Variants in PTPRU observed in about 807,000 individuals in gnomAD.
The protein encoded by PTPRU is receptor-type tyrosine-protein phosphatase U.
Under a neutral mutation model 166.3 loss-of-function variants are expected in PTPRU, and 69 were observed. The ratio of observed to expected loss-of-function variants is 0.41; its 90% confidence interval spans 0.34 to 0.51. PTPRU has a LOEUF of 0.51. PTPRU is among the 20% of genes least tolerant of loss of function. The pLI, the probability that PTPRU is intolerant of heterozygous loss-of-function variation, is 0.09. For missense variants in PTPRU, 1,657 were observed against 2,013.7 expected (o/e 0.82, Z 3.39); for synonymous variants, 793 against 814.0 (o/e 0.97, Z 0.44).
At position 29,271,183 on chromosome 1, in the gene PTPRU, C is replaced by T. The variant is rs12565407; in HGVS notation, c.1145-4265C>T. 1.4e-3 allele frequency among the ~76,000 whole-genome samples: 214 copies of T among 152,306 alleles called. 3 individuals carry two copies. In the East Asian group the frequency reaches 0.037, roughly 26 times the overall value. ...TAATGTGCATTTTGACCTCTGATCT[C>T]GGAGTGACCTGTAGCCCTGTGTAAT... On this transcript the variant is annotated intron_variant, in intron 7 of 29. Transcript: ENST00000373779. The surrounding 1 kb of genome is among the most constrained non-coding windows in gnomAD (Gnocchi z 4.4).
chr1:29,290,807 T>G (rs894205916), intron 14 of PTPRU, among the ~76,000 whole-genome samples: 1 of 152,394 alleles, frequency 6.6e-6, no homozygotes, highest in East Asian at 1.9e-4. Context: ...TAATCTCACA[T>G]TGAGCTCAGC....
intron 2 of PTPRU, among the ~76,000 whole-genome samples, chr1:29,256,311 T>C (rs979363197): frequency 1.3e-5 from 2 of 152,132 alleles, no homozygotes; most frequent in Non-Finnish European, 2.9e-5. Flanking sequence ...AAAGGCCAAA[T>C]TGTCAACTTT....
rs762203983 is a variant in PTPRU, at chr1:29,311,770, C to T, written c.3072+11C>T. Reference sequence around the variant, plus strand: ...TTTGCCCTGGAGCGGGTGAGTCTCCCCACCGCCTGTTCCCTGCAGAGGGTG... The same window carrying T: ...TTTGCCCTGGAGCGGGTGAGTCTCCTCACCGCCTGTTCCCTGCAGAGGGTG... On this transcript the variant is annotated intron_variant, in intron 21 of 29. Transcript: ENST00000373779. The surrounding 1 kb of genome is among the most constrained non-coding windows in gnomAD (Gnocchi z 4.1). 8.7e-6 allele frequency: 14 copies of T among 1,608,852 alleles called. No homozygotes were observed. Among genetic ancestry groups the T allele is most frequent in the South Asian group, 7.7e-5 (7 of 90,638 alleles).
chr1:29,276,609 C>T (rs886572633), intron 8 of PTPRU, among the ~76,000 whole-genome samples: 8 of 152,192 alleles, frequency 5.3e-5, no homozygotes, highest in African/African-American at 1.4e-4. Flanking sequence ...TGAGCCACTT[C>T]ATTTGCCAAT....
rs114945445 is a variant in PTPRU, at chr1:29,293,901, C to T, written c.2476+1875C>T. ...ACTCCACATCATATTTAAATTTACC[C>T]ATGTGGATGTTTTGCTGCAGTTCAT... is the stretch of plus-strand genomic sequence containing the variant. On this transcript the variant is annotated intron_variant, in intron 15 of 29. Transcript: ENST00000373779. Among the ~76,000 whole-genome samples, 1,142 of 152,314 alleles carry T rather than the reference C, an allele frequency of 7.5e-3. 11 individuals carry two copies. The highest frequency in any genetic ancestry group is 0.023 in the African/African-American group (947 of 41,560).
rs1440930100 is a variant in PTPRU at position 29,282,723 on chromosome 1, G to A, written c.1916G>A (p.Arg639Gln). 6 of 1,613,570 alleles carry A rather than the reference G, an allele frequency of 3.7e-6. No homozygotes were observed. The highest frequency in any genetic ancestry group is 3.3e-5 in the Admixed American group (2 of 59,992). Residue 639 changes from arginine to glutamine, a missense_variant, in exon 12 of 30, where the codon CGG becomes CAG. Arg to Gln is a conservative substitution (Grantham distance 43). Around this residue, in one of 3 missense-constraint regions of PTPRU, gnomAD observed 1,190 missense variants for 1,477.4 expected, o/e 0.81. Coordinates refer to ENST00000373779, the MANE Select transcript of PTPRU (RefSeq NM_133178.4). Reference sequence around the variant, plus strand: ...GAGGAGCGGGCGCGGAGGCTGCGGCGGGAGCCAGGTGGACAGGACTGCTTC... The same window carrying A: ...GAGGAGCGGGCGCGGAGGCTGCGGCAGGAGCCAGGTGGACAGGACTGCTTC... ...VEEERARRLR[R>Q]EPGGQDCFPV...
In PTPRU at chr1:29,325,733, C is replaced by T; in HGVS notation, c.*72C>T. On this transcript the variant is annotated 3_prime_UTR_variant, in exon 30 of 30. Transcript: ENST00000373779. ...ACCATCCTGGACTGGCGAGGAAGAT[C>T]AGTGCCTCCTGCTCTGCCCAAACAC... 2 of 1,433,996 alleles carry T rather than the reference C, an allele frequency of 1.4e-6. No individual in the cohort carries two copies. Among genetic ancestry groups the T allele is most frequent in the Non-Finnish European group, 1.9e-6 (2 of 1,050,428 alleles). 88.8% of individuals were successfully genotyped at this position (1,433,996 alleles called of 1,614,324 possible).
intron 1 of PTPRU, among the ~76,000 whole-genome samples, chr1:29,250,780 C>T (rs1268734652): frequency 6.6e-6 from 1 of 152,194 alleles, no homozygotes; most frequent in African/African-American, 2.4e-5. Context: ...GCTTTTGGCT[C>T]CTAGCTGACC....
chr1:29,269,222 AT>A (rs1557430676), intron 7 of PTPRU, among the ~76,000 whole-genome samples: 1,505 of 39,094 alleles, frequency 0.038, 213 homozygotes, highest in South Asian at 0.057. Flanking sequence ...TTATATACAT[AT>A]ATATATATAT....
chr1:29,324,176 C>T (rs1384568117), intron 28 of PTPRU, among the ~76,000 whole-genome samples: 6 of 152,064 alleles, frequency 3.9e-5, no homozygotes, highest in Admixed American at 2.6e-4. Flanking sequence ...ACCCATCCAT[C>T]CATCCATCCA....
Position 29,319,964 on chromosome 1 carries a change from G to A in PTPRU, c.3688-721G>A, listed in dbSNP as rs902974508. Among the ~76,000 whole-genome samples the A allele has an allele frequency of 2.6e-5, 4 of 152,144 alleles. 1 individual carries two copies. Among genetic ancestry groups the A allele is most frequent in the East Asian group, 3.9e-4 (2 of 5,178 alleles). ...GGACGAGGGAGCAGTGAGCAGCGTC[G>A]GGGCCTGTCACTGCCTGGAGAGCCT... On this transcript the variant is annotated intron_variant, in intron 25 of 29. Transcript: ENST00000373779.
chr1:29,326,307 T>G lies in PTPRU; in HGVS notation c.*646T>G. On this transcript the variant is annotated 3_prime_UTR_variant, in exon 30 of 30. Coordinates refer to ENST00000373779, the MANE Select transcript of PTPRU (RefSeq NM_133178.4). ...TGCTTCCCTGATATGTGCTCTGAGC[T>G]TCCCTGAACCAGGATCTGCCTATTA... is the stretch of plus-strand genomic sequence containing the variant. 6.3e-6 allele frequency: 1 copy of G among 159,324 alleles called. No individual in the cohort carries two copies. The highest frequency in any genetic ancestry group is 1.4e-5 in the Non-Finnish European group (1 of 72,750). The allele number at this position is 159,324 out of a possible 1,614,324, so 9.9% of individuals were successfully genotyped here.
intron 1 of PTPRU, among the ~76,000 whole-genome samples, chr1:29,246,921 CA>C (rs1684322764): frequency 6.6e-6 from 1 of 152,192 alleles, no homozygotes; most frequent in Non-Finnish European, 1.5e-5. Flanking sequence ...CAGCTCCACA[CA>C]GCATCTTAAT....
intron 7 of PTPRU, among the ~76,000 whole-genome samples, chr1:29,275,230 G>A (rs949752467): frequency 2.6e-5 from 4 of 152,130 alleles, no homozygotes; most frequent in African/African-American, 9.7e-5. Flanking sequence ...GCCAGCAGTT[G>A]CCAGCTGCAA....
At chr1:29,252,842 A>G (rs1004072699) in intron 1 of PTPRU, among the ~76,000 whole-genome samples, 5 of 152,136 alleles carry the variant, frequency 3.3e-5, no homozygotes, top group African/African-American at 1.2e-4. Flanking sequence ...GCTTCTCCCC[A>G]CCACCAAGCA....
chr1:29,307,273 G>A, intron 18 of PTPRU: 2 of 1,287,996 alleles, frequency 1.6e-6, no homozygotes, highest in South Asian at 2.5e-5. Flanking sequence ...TTCTACTTAT[G>A]TGCCCAGCAC....
chr1:29,318,060 C>A lies in PTPRU; in HGVS notation c.3687+139C>A, dbSNP rs942073158. On this transcript the variant is annotated intron_variant, in intron 25 of 29. Transcript: ENST00000373779. ...TCTGGGGAACAGGCCTGTGTGTGAC[C>A]CTCCTACTCCTAGGGAGCTTCCATT... The A allele has an allele frequency of 2.0e-5, 23 of 1,142,932 alleles. No homozygotes were observed. In the African/African-American group the frequency reaches 3.4e-4, roughly 17 times the overall value. 70.8% of individuals were successfully genotyped at this position (1,142,932 alleles called of 1,614,324 possible). A position where few individuals can be genotyped will look rare whatever the true frequency, so the allele number is the denominator to read the frequency against.
intron 24 of PTPRU, 25 bp downstream of exon 24, chr1:29,316,176 GGTGT>G (rs150059433): frequency 7.0e-6 from 11 of 1,577,418 alleles, no homozygotes; most frequent in African/African-American, 1.4e-5. Context: ...CGTGTGTATA[GGTGT>G]GTGTGTGTGT....
chr1:29,244,284 A>C (rs1015957419), intron 1 of PTPRU, among the ~76,000 whole-genome samples: 2 of 151,958 alleles, frequency 1.3e-5, no homozygotes, highest in African/African-American at 2.4e-5. Flanking sequence ...GGCCTGGGGG[A>C]CCACTGGCGG....
Sources: allele counts gnomAD v4.1 joint callset (sites outside exome capture counted in the v4.1 genomes callset), GRCh38; gene constraint gnomAD v4.1.1; regional missense constraint gnomAD v4.1.1; non-coding constraint Gnocchi (gnomAD v3.1); transcripts MANE v1.5; gene names NCBI Gene and HGNC (gene_info 2026-07-23, HGNC 2026-07-21).